GPR158: variants seen among roughly 807,000 people sequenced by gnomAD.
GPR158 encodes G protein-coupled receptor 158, also known as metabotropic glycine receptor.
A neutral mutation model predicts 78.2 loss-of-function variants in GPR158; 30 were observed. That is an observed-to-expected ratio of 0.38 (90% confidence interval 0.29 to 0.52). The LOEUF is 0.52. GPR158 is among the 20% of genes least tolerant of loss of function. The pLI, the probability that GPR158 is intolerant of heterozygous loss-of-function variation, is 0.83. For missense variants in GPR158, 1,463 were observed against 1,523.5 expected (o/e 0.96, Z 0.66); for synonymous variants, 581 against 591.1 (o/e 0.98, Z 0.25).
rs1853099161 is a variant in GPR158, at chr10:25,209,521, C to T, written c.903-11531C>T. On this transcript the variant is annotated intron_variant, in intron 1 of 10. Coordinates refer to ENST00000376351, the MANE Select transcript of GPR158 (RefSeq NM_020752.3). ...AGTGATATCCTGTGCTTTGCATCTGCACTACCACCTAGCAAAGAGCCTTAC... is the reference window on the plus strand; with the variant it reads ...AGTGATATCCTGTGCTTTGCATCTGTACTACCACCTAGCAAAGAGCCTTAC... 2.6e-5 allele frequency among the ~76,000 whole-genome samples: 4 copies of T among 152,124 alleles called. No individual in the cohort carries two copies. The South Asian group carries it at 8.3e-4, about 31-fold the overall frequency.
intron 5 of GPR158, among the ~76,000 whole-genome samples, chr10:25,496,153 C>A (rs914237837): frequency 6.6e-6 from 1 of 152,164 alleles, no homozygotes; most frequent in African/African-American, 2.4e-5. Context: ...TTACACTTGT[C>A]CCCGCTCCCC....
At chr10:25,266,272 T>A (rs1854044171) in intron 2 of GPR158, among the ~76,000 whole-genome samples, 1 of 152,168 alleles carries the variant, frequency 6.6e-6, no homozygotes. Context: ...TGTTTGATTG[T>A]TTGTCATTCA....
At chr10:25,227,558 ATTATTC>A (rs1367554060) in intron 2 of GPR158, among the ~76,000 whole-genome samples, 1 of 152,174 alleles carries the variant, frequency 6.6e-6, no homozygotes, top group Non-Finnish European at 1.5e-5. Flanking sequence ...TTGCTAAACT[ATTATTC>A]TTAGTAATTT....
intron 4 of GPR158, among the ~76,000 whole-genome samples, chr10:25,417,298 A>G (rs1330368412): frequency 6.6e-6 from 1 of 152,174 alleles, no homozygotes; most frequent in Admixed American, 6.6e-5. Flanking sequence ...TGGGGGTGTC[A>G]TAATTTGGTC....
chr10:25,422,917 T>C (rs879342491), intron 4 of GPR158, among the ~76,000 whole-genome samples: 2 of 141,726 alleles, frequency 1.4e-5, no homozygotes, highest in Non-Finnish European at 3.1e-5. Flanking sequence ...TGCGTCCTCA[T>C]AGCTCAGCTC....
At chr10:25,360,484 C>T (rs965915245) in intron 2 of GPR158, among the ~76,000 whole-genome samples, 5 of 152,078 alleles carry the variant, frequency 3.3e-5, no homozygotes, top group Admixed American at 6.6e-5. Flanking sequence ...GCCAGTTTTC[C>T]CAACACCATT....
chr10:25,356,913 G>C (rs1855562393), intron 2 of GPR158, among the ~76,000 whole-genome samples: 1 of 152,028 alleles, frequency 6.6e-6, no homozygotes, highest in South Asian at 2.1e-4. Context: ...GAAGAAGACA[G>C]GAAAATGTGG....
chr10:25,528,508 A>G (rs1303491665), intron 5 of GPR158, among the ~76,000 whole-genome samples: 1 of 152,176 alleles, frequency 6.6e-6, no homozygotes, highest in Non-Finnish European at 1.5e-5. Context: ...AAACAACTGG[A>G]GAATGAATAT....
At chr10:25,318,078 T>C (rs949168732) in intron 2 of GPR158, among the ~76,000 whole-genome samples, 4 of 152,144 alleles carry the variant, frequency 2.6e-5, no homozygotes, top group Non-Finnish European at 5.9e-5. Context: ...GCAGTTTTGA[T>C]GTGAGTTGTG....
chr10:25,499,254 A>G (rs372316188), intron 5 of GPR158, among the ~76,000 whole-genome samples: 2 of 152,220 alleles, frequency 1.3e-5, no homozygotes, highest in East Asian at 1.9e-4. Context: ...GAAGAATTTC[A>G]TTATGATTCA....
chr10:25,459,595 G>T (rs931413670), intron 4 of GPR158, among the ~76,000 whole-genome samples: 5 of 152,114 alleles, frequency 3.3e-5, no homozygotes, highest in Non-Finnish European at 5.9e-5. Context: ...AGTCCCCATA[G>T]AATCAGGAAA....
chr10:25,284,335 C>A (rs1367496072), intron 2 of GPR158, among the ~76,000 whole-genome samples: 2 of 151,846 alleles, frequency 1.3e-5, no homozygotes, highest in Non-Finnish European at 2.9e-5. Context: ...ATTTTTATGT[C>A]TTTTTGGGGA....
intron 7 of GPR158, among the ~76,000 whole-genome samples, chr10:25,580,777 G>A (rs1401671399): frequency 6.6e-6 from 1 of 152,112 alleles, no homozygotes; most frequent in Non-Finnish European, 1.5e-5. Context: ...CCCGGCTGGA[G>A]TGCAGTTGTG....
chr10:25,252,048 C>CTTCATTTCA (rs1211746517), intron 2 of GPR158, among the ~76,000 whole-genome samples: 6 of 151,908 alleles, frequency 3.9e-5, no homozygotes, highest in Non-Finnish European at 7.4e-5. Flanking sequence ...TCCCTTCTCG[C>CTTCATTTCA]TTCATTTCAT....
chr10:25,258,371 CCT>C (rs1325557455), intron 2 of GPR158, among the ~76,000 whole-genome samples: 1 of 152,160 alleles, frequency 6.6e-6, no homozygotes, highest in Non-Finnish European at 1.5e-5. Flanking sequence ...ATATCTTACC[CCT>C]GATTGCGGCT....
intron 6 of GPR158, among the ~76,000 whole-genome samples, chr10:25,557,209 G>A (rs1836797358): frequency 1.3e-5 from 2 of 152,178 alleles, no homozygotes; most frequent in African/African-American, 4.8e-5. Context: ...ATGGGTCTTA[G>A]TTTTACAAAC....
chr10:25,463,037 C>A (rs781609238), intron 4 of GPR158, among the ~76,000 whole-genome samples: 3 of 152,152 alleles, frequency 2.0e-5, no homozygotes, highest in African/African-American at 4.8e-5. Flanking sequence ...ACTGGTACAG[C>A]AAACTTCATT....
intron 2 of GPR158, among the ~76,000 whole-genome samples, chr10:25,245,184 C>A (rs1853672208): frequency 6.6e-6 from 1 of 152,176 alleles, no homozygotes; most frequent in South Asian, 2.1e-4. Flanking sequence ...AATGCCAGTT[C>A]ACTGGAAGGA....
intron 6 of GPR158, among the ~76,000 whole-genome samples, chr10:25,572,437 C>T (rs1228753271): frequency 1.3e-5 from 2 of 152,108 alleles, no homozygotes; most frequent in Admixed American, 6.6e-5. Context: ...GGATGCAGTA[C>T]ACTATGATTG....
Sources: allele counts gnomAD v4.1 joint callset (sites outside exome capture counted in the v4.1 genomes callset), GRCh38; gene constraint gnomAD v4.1.1; transcripts MANE v1.5; gene names NCBI Gene and HGNC (gene_info 2026-07-23, HGNC 2026-07-21).